HS6ST3: variants seen among roughly 807,000 people sequenced by gnomAD.
HS6ST3 encodes the protein heparan-sulfate 6-O-sulfotransferase 3.
A neutral mutation model predicts 36.7 loss-of-function variants in HS6ST3; 12 were observed. That is an observed-to-expected ratio of 0.33 (90% CI 0.21 to 0.53). HS6ST3 has a LOEUF of 0.53. HS6ST3 is among the 20% of genes least tolerant of loss of function. HS6ST3 has a pLI of 0.95. For missense variants in HS6ST3, 584 were observed against 640.9 expected, an observed-to-expected ratio of 0.91 and a Z score of 0.96; for synonymous variants, 240 against 257.5, an observed-to-expected ratio of 0.93 and a Z score of 0.65.
intron 1 of HS6ST3, among the ~76,000 whole-genome samples, chr13:96,815,162 G>A (rs1878394037): frequency 6.6e-6 from 1 of 152,178 alleles, no homozygotes; most frequent in African/African-American, 2.4e-5. Context: ...AGCAGGGTTG[G>A]TTTCCTCTGA....
At chr13:96,151,993 C>T (rs2054087177) in intron 1 of HS6ST3, among the ~76,000 whole-genome samples, 2 of 152,212 alleles carry the variant, frequency 1.3e-5, no homozygotes, top group Non-Finnish European at 2.9e-5. Context: ...AGTAAGGTTA[C>T]ATTCTGAGAT....
chr13:96,298,606 G>A (rs1052436356), intron 1 of HS6ST3, among the ~76,000 whole-genome samples: 2 of 152,146 alleles, frequency 1.3e-5, no homozygotes, highest in South Asian at 4.1e-4. Flanking sequence ...ATCTCTAATA[G>A]TCTGCTACCT....
intron 1 of HS6ST3, among the ~76,000 whole-genome samples, chr13:96,442,064 C>T (rs992105252): frequency 4.6e-5 from 7 of 151,762 alleles, no homozygotes; most frequent in Admixed American, 1.3e-4. Flanking sequence ...CTCTGTCTCC[C>T]AGGCTGAAGT....
chr13:96,318,265 C>T (rs974418770), intron 1 of HS6ST3, among the ~76,000 whole-genome samples: 4 of 152,146 alleles, frequency 2.6e-5, no homozygotes, highest in Admixed American at 1.3e-4. Flanking sequence ...GGCATGGTGG[C>T]TCATGCCTGT....
At chr13:96,677,091 T>C (rs965822897) in intron 1 of HS6ST3, among the ~76,000 whole-genome samples, 2 of 152,104 alleles carry the variant, frequency 1.3e-5, no homozygotes, top group African/African-American at 4.8e-5. Flanking sequence ...TTGGGGAAAT[T>C]TTCAGATTAA....
intron 1 of HS6ST3, among the ~76,000 whole-genome samples, chr13:96,510,784 G>C (rs2056046649): frequency 6.6e-6 from 1 of 152,060 alleles, no homozygotes; most frequent in African/African-American, 2.4e-5. Context: ...CAGCCCCACA[G>C]ATAAGCATTC....
At chr13:96,467,091 A>G (rs894088591) in intron 1 of HS6ST3, among the ~76,000 whole-genome samples, 2 of 152,168 alleles carry the variant, frequency 1.3e-5, no homozygotes, top group African/African-American at 2.4e-5. Flanking sequence ...CCATTGCAAC[A>G]TATGTATAAA....
intron 1 of HS6ST3, among the ~76,000 whole-genome samples, chr13:96,326,773 G>A (rs556032367): frequency 6.6e-6 from 1 of 151,986 alleles, no homozygotes; most frequent in African/African-American, 2.4e-5. Flanking sequence ...CACAATGGTT[G>A]AACTAGTTTA....
intron 1 of HS6ST3, among the ~76,000 whole-genome samples, chr13:96,581,322 C>T (rs940879021): frequency 5.9e-5 from 9 of 151,392 alleles, no homozygotes; most frequent in African/African-American, 1.7e-4. Context: ...CGGGTTTAAG[C>T]GATTCTCCTG....
chr13:96,318,524 C>A (rs146116641), intron 1 of HS6ST3, among the ~76,000 whole-genome samples: 1 of 145,062 alleles, frequency 6.9e-6, no homozygotes, highest in Non-Finnish European at 1.5e-5. Context: ...CAGAGTGAGA[C>A]TCCTTCTCAA....
intron 1 of HS6ST3, among the ~76,000 whole-genome samples, chr13:96,431,311 A>G (rs919329232): frequency 4.6e-5 from 7 of 152,182 alleles, no homozygotes; most frequent in Non-Finnish European, 5.9e-5. Flanking sequence ...AACAACATGA[A>G]GAGAGGGAAA....
At chr13:96,212,391 G>T (rs1002676020) in intron 1 of HS6ST3, among the ~76,000 whole-genome samples, 13 of 152,208 alleles carry the variant, frequency 8.5e-5, no homozygotes, top group African/African-American at 3.1e-4. Flanking sequence ...GAATTTCAGT[G>T]TGTGCCTGTC....
chr13:96,724,802 C>G (rs113151063), intron 1 of HS6ST3, among the ~76,000 whole-genome samples: 1,812 of 152,102 alleles, frequency 0.012, 32 homozygotes, highest in African/African-American at 0.041. Context: ...CTCAATCTTG[C>G]GATATTATAA....
At chr13:96,154,796 G>A (rs983300788) in intron 1 of HS6ST3, among the ~76,000 whole-genome samples, 1 of 152,092 alleles carries the variant, frequency 6.6e-6, no homozygotes, top group Non-Finnish European at 1.5e-5. Context: ...TCAGGATCTA[G>A]TGACATTGAT....
At chr13:96,387,942 T>G (rs2055376688) in intron 1 of HS6ST3, among the ~76,000 whole-genome samples, 1 of 152,152 alleles carries the variant, frequency 6.6e-6, no homozygotes, top group Non-Finnish European at 1.5e-5. Flanking sequence ...GTTTCGCCTC[T>G]GAGTCTTAGG....
chr13:96,702,674 T>G (rs182373728), intron 1 of HS6ST3, among the ~76,000 whole-genome samples: 2 of 152,304 alleles, frequency 1.3e-5, no homozygotes, highest in South Asian at 2.1e-4. Flanking sequence ...AATGAAACTT[T>G]GGAGGGTATA....
At chr13:96,318,636 A>G (rs2139413641) in intron 1 of HS6ST3, among the ~76,000 whole-genome samples, 1 of 151,508 alleles carries the variant, frequency 6.6e-6, no homozygotes, top group Middle Eastern at 3.4e-3. Context: ...AGCACCATTT[A>G]TTGAATAGGG....
intron 1 of HS6ST3, among the ~76,000 whole-genome samples, chr13:96,272,124 C>A (rs765698179): frequency 1.3e-5 from 2 of 151,982 alleles, no homozygotes; most frequent in Non-Finnish European, 2.9e-5. Flanking sequence ...GGGCATCTCA[C>A]TAAATCATCC....
intron 1 of HS6ST3, among the ~76,000 whole-genome samples, chr13:96,784,284 A>T (rs1180425485): frequency 6.6e-6 from 1 of 152,182 alleles, no homozygotes; most frequent in Non-Finnish European, 1.5e-5. Flanking sequence ...TGGGGTTGGC[A>T]GATGTAGCAA....
Sources: allele counts gnomAD v4.1 joint callset (sites outside exome capture counted in the v4.1 genomes callset), GRCh38; gene constraint gnomAD v4.1.1; transcripts MANE v1.5; gene names NCBI Gene and HGNC (gene_info 2026-07-23, HGNC 2026-07-21).